The following MCF2L2 variants were observed in gnomAD, a reference collection of about 807,000 sequenced individuals.
MCF2L2 encodes MCF.2 cell line derived transforming sequence-like 2, also known as probable guanine nucleotide exchange factor MCF2L2.
Under a neutral mutation model 150.2 loss-of-function variants are expected in MCF2L2, and 102 were observed. The observed-to-expected ratio is 0.68, with a 90% CI of 0.58 to 0.80. The LOEUF is 0.80. Ranked by LOEUF, MCF2L2 falls within the 30% of genes least tolerant of loss-of-function variation. The pLI is 0.00. For missense variants in MCF2L2, 1,256 were observed against 1,372.8 expected (o/e 0.91, Z 1.34); for synonymous variants, 465 against 491.3 (o/e 0.95, Z 0.71).
At chr3:183,256,567 A>G (rs935971563) in intron 15 of MCF2L2, among the ~76,000 whole-genome samples, 2 of 152,220 alleles carry the variant, frequency 1.3e-5, no homozygotes, top group Admixed American at 6.5e-5. Context: ...CCAGTTCTCT[A>G]CAAAAGAGAA....
chr3:183,316,390 G>T (rs1352724204), intron 7 of MCF2L2, among the ~76,000 whole-genome samples: 1 of 151,878 alleles, frequency 6.6e-6, no homozygotes, highest in African/African-American at 2.4e-5. Flanking sequence ...TGTCACCCAG[G>T]CTGGAGTGGA....
In MCF2L2 at chr3:183,276,855, CG is replaced by C; in HGVS notation, c.1862+16del. ...CGCACCCCCTCGCCCCCTGCACCCA[CG>C]GATGTGCAGTCTTACCTGCGGGGGG... On this transcript the variant is annotated intron_variant, in intron 15 of 29. Transcript: ENST00000328913. 6.3e-7 allele frequency: 1 copy of C among 1,593,726 alleles called. No homozygotes were observed. The highest frequency in any genetic ancestry group is 1.3e-5 in the African/African-American group (1 of 74,648).
chr3:183,262,929 C>T (rs192299321), intron 15 of MCF2L2, among the ~76,000 whole-genome samples: 4 of 151,736 alleles, frequency 2.6e-5, no homozygotes, highest in South Asian at 2.1e-4. Context: ...GATGGGAGGG[C>T]GCTGGGGTCT....
intron 1 of MCF2L2, among the ~76,000 whole-genome samples, chr3:183,413,728 G>A (rs780304972): frequency 2.0e-5 from 3 of 152,168 alleles, no homozygotes; most frequent in Non-Finnish European, 4.4e-5. Context: ...AGACCAGCAG[G>A]ACTGACAATA....
chr3:183,247,056 G>A (rs1206099090), intron 15 of MCF2L2, among the ~76,000 whole-genome samples: 1 of 152,144 alleles, frequency 6.6e-6, no homozygotes, highest in Non-Finnish European at 1.5e-5. Context: ...TTAATTGAAT[G>A]GATGGTTGAT....
chr3:183,309,969 A>AT lies in MCF2L2; in HGVS notation c.994-135dup, dbSNP rs375865149. 2,033 of 907,264 alleles carry AT rather than the reference A, an allele frequency of 2.2e-3. 1 individual carries two copies. The highest frequency in any genetic ancestry group is 2.6e-3 in the South Asian group (109 of 42,530). The allele number at this position is 907,264 out of a possible 1,614,324, so 56.2% of individuals were successfully genotyped here. ...TTGTATATATCTATATATGTTAAAA[A>AT]TTTTTTTTTTGCAGCTCACTAACTT... On this transcript the variant is annotated intron_variant, in intron 9 of 29. Coordinates refer to ENST00000328913, the MANE Select transcript of MCF2L2 (RefSeq NM_015078.4).
intron 5 of MCF2L2, among the ~76,000 whole-genome samples, chr3:183,337,206 T>C (rs201209226): frequency 6.6e-6 from 1 of 152,268 alleles, no homozygotes; most frequent in East Asian, 1.9e-4. Context: ...GTGTATGTCT[T>C]TTTGTGAATT....
At chr3:183,217,798 C>T (rs1180996367) in intron 21 of MCF2L2, among the ~76,000 whole-genome samples, 1 of 152,140 alleles carries the variant, frequency 6.6e-6, no homozygotes, top group Admixed American at 6.6e-5. Flanking sequence ...CTGCACCTCC[C>T]GAACATAAAG....
intron 2 of MCF2L2, among the ~76,000 whole-genome samples, chr3:183,382,753 C>A (rs1281546511): frequency 1.3e-5 from 2 of 152,092 alleles, no homozygotes; most frequent in Admixed American, 1.3e-4. Context: ...TGTACCTTTT[C>A]ATTAAGTGAA....
At chr3:183,190,365 A>C (rs9830916) in intron 27 of MCF2L2, among the ~76,000 whole-genome samples, 4,113 of 152,252 alleles carry the variant, frequency 0.027, 183 homozygotes, top group African/African-American at 0.094. Flanking sequence ...CAACACCAGA[A>C]TCCCATCCAT....
chr3:183,243,873 CCTT>C (rs1179949420), intron 15 of MCF2L2, among the ~76,000 whole-genome samples: 3 of 152,138 alleles, frequency 2.0e-5, no homozygotes, highest in Non-Finnish European at 4.4e-5. Flanking sequence ...AGAAATCTAT[CCTT>C]CTGTAATCCC....
intron 27 of MCF2L2, among the ~76,000 whole-genome samples, chr3:183,186,654 G>C (rs1452417768): frequency 1.3e-5 from 2 of 152,240 alleles, no homozygotes; most frequent in African/African-American, 4.8e-5. Context: ...TTGAACCTGG[G>C]AGGTGGAGGT....
intron 15 of MCF2L2, among the ~76,000 whole-genome samples, chr3:183,248,038 G>A (rs967821279): frequency 6.6e-6 from 1 of 152,180 alleles, no homozygotes; most frequent in African/African-American, 2.4e-5. Flanking sequence ...TGCTTTCCCT[G>A]CCCTGTGCCC....
chr3:183,313,406 G>A (rs1442918055), intron 7 of MCF2L2, among the ~76,000 whole-genome samples: 1 of 152,220 alleles, frequency 6.6e-6, no homozygotes. Context: ...GAAAGTGTGT[G>A]AGACAGGGAA....
intron 3 of MCF2L2, chr3:183,372,618 G>C (rs1012080674): frequency 6.6e-6 from 1 of 152,130 alleles, no homozygotes; most frequent in Non-Finnish European, 1.5e-5. Context: ...CTTGAACCTG[G>C]GAGGCGGAGG....
chr3:183,277,355 C>T (rs1727219462), intron 14 of MCF2L2, among the ~76,000 whole-genome samples: 1 of 144,998 alleles, frequency 6.9e-6, no homozygotes, highest in Non-Finnish European at 1.5e-5. Context: ...AAAAAAAAAG[C>T]AGGTGTCCTT....
chr3:183,297,434 A>G (rs1560006670), intron 11 of MCF2L2: 1 of 391,844 alleles, frequency 2.6e-6, no homozygotes, highest in Non-Finnish European at 4.7e-6. Context: ...TAATTGCTAC[A>G]TCTCCAGGAG....
At chr3:183,327,396 G>A (rs1730094982) in intron 5 of MCF2L2, among the ~76,000 whole-genome samples, 1 of 152,078 alleles carries the variant, frequency 6.6e-6, no homozygotes, top group Non-Finnish European at 1.5e-5. Context: ...TGCAAAGAAA[G>A]GGTTCTCACA....
At chr3:183,190,485 G>A (rs1433233852) in intron 27 of MCF2L2, among the ~76,000 whole-genome samples, 2 of 152,222 alleles carry the variant, frequency 1.3e-5, no homozygotes, top group Non-Finnish European at 2.9e-5. Flanking sequence ...AGACAGTGAA[G>A]GCCGAAGCTA....
Sources: allele counts gnomAD v4.1 joint callset (sites outside exome capture counted in the v4.1 genomes callset), GRCh38; gene constraint gnomAD v4.1.1; transcripts MANE v1.5; gene names NCBI Gene and HGNC (gene_info 2026-07-23, HGNC 2026-07-21).